PITPNA: variants seen among roughly 807,000 people sequenced by gnomAD.
The protein encoded by PITPNA is phosphatidylinositol transfer protein alpha isoform.
PITPNA carries 13 observed loss-of-function variants against 50.3 expected under a neutral mutation model. The observed-to-expected ratio is 0.26, with a 90% CI of 0.17 to 0.41. The LOEUF is 0.41. Among genes scored for constraint, PITPNA ranks in the 10% least tolerant of loss-of-function variants. The probability of loss-of-function intolerance (pLI) is 1.00; values close to 1 mark genes in which losing one functional copy is unlikely to be tolerated. For synonymous variants in PITPNA, 120 were observed against 119.6 expected, an observed-to-expected ratio of 1.00 and a Z score of -0.02; for missense variants, 207 against 333.4, an observed-to-expected ratio of 0.62 and a Z score of 2.95.
rs556328599 is a variant in PITPNA, at chr17:1,536,362, A to G, written c.457-844T>C. Among the ~76,000 whole-genome samples, 8 of 145,454 alleles carry G rather than the reference A, an allele frequency of 5.5e-5. No individual in the cohort carries two copies. In the South Asian group the frequency reaches 1.7e-3, roughly 31 times the overall value. On this transcript the variant is annotated intron_variant, in intron 7 of 11. Transcript: ENST00000313486. ...GAGTGCAGTAGCGCGATCTCGGCTC[A>G]CTGCAAGCTCCATCTCCCAAGTTCA...
chr17:1,526,908 G>A (rs536071234), intron 10 of PITPNA, among the ~76,000 whole-genome samples: 10 of 152,190 alleles, frequency 6.6e-5, no homozygotes, highest in African/African-American at 2.4e-4. Flanking sequence ...GGGATTAGAG[G>A]TGCACCACAT....
intron 7 of PITPNA, among the ~76,000 whole-genome samples, chr17:1,536,277 GAA>G (rs1282795055): frequency 2.0e-5 from 3 of 149,686 alleles, no homozygotes; most frequent in Non-Finnish European, 4.4e-5. Context: ...CCAAAGCTGA[GAA>G]GTTTTTTTTT....
chr17:1,555,706 G>C (rs2075731835), intron 2 of PITPNA, among the ~76,000 whole-genome samples: 1 of 151,922 alleles, frequency 6.6e-6, no homozygotes. Flanking sequence ...GTACAGCTTT[G>C]GTCCCACCAA....
In PITPNA at chr17:1,562,530, C is replaced by G. The variant is rs2075773941; in HGVS notation, c.20+11G>C. ...CTCCTCCCCGCTTCCGCACGGCCGC[C>G]GGACACTCACTACTCCTTGAGCAGC... is the stretch of plus-strand genomic sequence containing the variant. On this transcript the variant is annotated intron_variant, in intron 1 of 11. Transcript: ENST00000313486. This position sits in a 1 kb window ranked among gnomAD's most constrained non-coding sequence, Gnocchi z 6.4. 7.0e-7 allele frequency: 1 copy of G among 1,435,488 alleles called. No homozygotes were observed. Among genetic ancestry groups the G allele is most frequent in the Non-Finnish European group, 9.2e-7 (1 of 1,088,880 alleles). 88.9% of individuals were successfully genotyped at this position (1,435,488 alleles called of 1,614,324 possible). A position where few individuals can be genotyped will look rare whatever the true frequency, so the allele number is the denominator to read the frequency against.
intron 1 of PITPNA, among the ~76,000 whole-genome samples, chr17:1,559,062 T>C (rs912863189): frequency 6.6e-6 from 1 of 152,038 alleles, no homozygotes. Flanking sequence ...CAAGAGGCCC[T>C]GGGGACTTAA....
chr17:1,526,197 A>G (rs1476024820), intron 10 of PITPNA, among the ~76,000 whole-genome samples: 3 of 152,278 alleles, frequency 2.0e-5, no homozygotes, highest in African/African-American at 7.2e-5. Context: ...TCAGGCTTCA[A>G]GTACACACAG....
intron 10 of PITPNA, among the ~76,000 whole-genome samples, chr17:1,527,242 C>CTGGA (rs1357766584): frequency 6.6e-6 from 1 of 151,966 alleles, no homozygotes; most frequent in Non-Finnish European, 1.5e-5. Flanking sequence ...AACTTCAATC[C>CTGGA]TGGTTGGTTG....
Position 1,562,351 on chromosome 17 carries a change from G to A in PITPNA, c.20+190C>T, listed in dbSNP as rs2075772846. ...CTCCACGCCCCGGCCGCCCCTCCGT[G>A]CCCCGTGGGCCCCGCCTCACGTGCC... On this transcript the variant is annotated intron_variant, in intron 1 of 11. Coordinates refer to ENST00000313486, the MANE Select transcript of PITPNA (RefSeq NM_006224.4). The surrounding 1 kb of genome is among the most constrained non-coding windows in gnomAD (Gnocchi z 6.4). Among the ~76,000 whole-genome samples, 3 of 141,868 alleles carry A rather than the reference G, an allele frequency of 2.1e-5. No individual in the cohort carries two copies. The South Asian group carries it at 6.7e-4, about 32-fold the overall frequency. 93.1% of individuals were successfully genotyped at this position (141,868 alleles called of 152,430 possible). A position where few individuals can be genotyped will look rare whatever the true frequency, so the allele number is the denominator to read the frequency against.
At chr17:1,544,681 G>T (rs1261441759) in intron 4 of PITPNA, among the ~76,000 whole-genome samples, 2 of 152,312 alleles carry the variant, frequency 1.3e-5, no homozygotes, top group African/African-American at 4.8e-5. Flanking sequence ...CTCCCGCCTG[G>T]AATCCCAGCA....
At chr17:1,552,966 A>T in intron 3 of PITPNA, 38 bp downstream of exon 3, 1 of 1,609,020 alleles carries the variant, frequency 6.2e-7, no homozygotes, top group East Asian at 2.2e-5. Flanking sequence ...ACACACACAC[A>T]AAAGCCAGCA....
intron 2 of PITPNA, among the ~76,000 whole-genome samples, chr17:1,557,462 G>A (rs1040385611): frequency 3.3e-5 from 5 of 152,212 alleles, no homozygotes; most frequent in Admixed American, 6.5e-5. Flanking sequence ...TATACTGGCT[G>A]ACGAACCTCA....
Position 1,548,375 on chromosome 17 carries a change from C to A in PITPNA, c.210G>T (p.Thr70=), listed in dbSNP as rs375310504. Residue 70 remains threonine, a synonymous_variant, in exon 4 of 12, where the codon ACG becomes ACT. Coordinates refer to ENST00000313486, the MANE Select transcript of PITPNA (RefSeq NM_006224.4). ...CCTCTGGGGCCAGCATTCGAACAAA[C>A]GTGGGTACTTTGCTATAGCGGGGAA... ...KIYHLQSKVP[T]FVRMLAPEGA... The A allele has an allele frequency of 6.2e-7, 1 of 1,604,326 alleles. No individual in the cohort carries two copies. Among genetic ancestry groups the A allele is most frequent in the Admixed American group, 1.7e-5 (1 of 57,910 alleles).
At chr17:1,538,435 G>C (rs1225379645) in intron 7 of PITPNA, 1 of 159,808 alleles carries the variant, frequency 6.3e-6, no homozygotes, top group African/African-American at 2.4e-5. Flanking sequence ...GGAGGGCAGG[G>C]GACCTGTCTT....
rs2075494041 is a variant in PITPNA, at chr17:1,519,268, G to C, written c.*1293C>G. ...CACTTAGGCCAACGTGCTTCACAAG[G>C]TTTGGGGAATGTCAGGTGACACTAC... On this transcript the variant is annotated 3_prime_UTR_variant, in exon 12 of 12. Transcript: ENST00000313486. 6.6e-6 allele frequency: 1 copy of C among 152,290 alleles called. No individual in the cohort carries two copies. The highest frequency in any genetic ancestry group is 1.5e-5 in the Non-Finnish European group (1 of 68,052). The allele number at this position is 152,290 out of a possible 1,614,324, so 9.4% of individuals were successfully genotyped here.
intron 3 of PITPNA, among the ~76,000 whole-genome samples, chr17:1,552,755 C>T (rs148992567): frequency 1.3e-5 from 2 of 152,214 alleles, no homozygotes; most frequent in African/African-American, 4.8e-5. Context: ...GAATCCTACA[C>T]GGACTTCAGA....
chr17:1,525,174 C>T (rs1007784961), intron 10 of PITPNA, among the ~76,000 whole-genome samples: 1 of 151,516 alleles, frequency 6.6e-6, no homozygotes, highest in East Asian at 2.0e-4. Flanking sequence ...ATTTTTAGTA[C>T]AGACGGGGTT....
chr17:1,562,587 G>A lies in PITPNA; in HGVS notation c.-27C>T, dbSNP rs1198763740. 2.3e-6 allele frequency: 3 copies of A among 1,279,944 alleles called. No homozygotes were observed. The highest frequency in any genetic ancestry group is 3.4e-5 in the Admixed American group (1 of 29,408). The allele number at this position is 1,279,944 out of a possible 1,614,324, so 79.3% of individuals were successfully genotyped here. On this transcript the variant is annotated 5_prime_UTR_variant, in exon 1 of 12. Coordinates refer to ENST00000313486, the MANE Select transcript of PITPNA (RefSeq NM_006224.4). The surrounding 1 kb of genome is among the most constrained non-coding windows in gnomAD (Gnocchi z 6.4). ...TCGCTTCGCGGCTCGGTGGCTGCCCGCGGCCCGCCCGGCCTCCCGCCCGCT... is the reference window on the plus strand; with the variant it reads ...TCGCTTCGCGGCTCGGTGGCTGCCCACGGCCCGCCCGGCCTCCCGCCCGCT...
At chr17:1,541,886 G>T (rs1238537820) in intron 5 of PITPNA, 4 of 592,460 alleles carry the variant, frequency 6.8e-6, no homozygotes, top group South Asian at 6.1e-5. Context: ...GTTCAAAGAG[G>T]TTAGGTGACT....
rs2075479930 is a variant in PITPNA, at chr17:1,518,178, A to G, written c.*2383T>C. Reference sequence around the variant, plus strand: ...AGGGAGTCCCAGCAGGGACTGTAAAAGAACTTGGGAAGCTATACACATGCC... The same window carrying G: ...AGGGAGTCCCAGCAGGGACTGTAAAGGAACTTGGGAAGCTATACACATGCC... On this transcript the variant is annotated 3_prime_UTR_variant, in exon 12 of 12. Coordinates refer to ENST00000313486, the MANE Select transcript of PITPNA (RefSeq NM_006224.4). 6.6e-6 allele frequency: 1 copy of G among 152,468 alleles called. No homozygotes were observed. Among genetic ancestry groups the G allele is most frequent in the South Asian group, 2.1e-4 (1 of 4,834 alleles). The allele number at this position is 152,468 out of a possible 1,614,324, so 9.4% of individuals were successfully genotyped here.
Sources: allele counts gnomAD v4.1 joint callset (sites outside exome capture counted in the v4.1 genomes callset), GRCh38; gene constraint gnomAD v4.1.1; non-coding constraint Gnocchi (gnomAD v3.1); transcripts MANE v1.5; gene names NCBI Gene and HGNC (gene_info 2026-07-23, HGNC 2026-07-21).